LAMB3: variants seen among roughly 807,000 people sequenced by gnomAD.
LAMB3 encodes the protein laminin subunit beta 3.
In LAMB3, 104 loss-of-function variants were observed where a neutral mutation model predicts 140.3. The observed-to-expected ratio is 0.74, with a 90% confidence interval of 0.63 to 0.87. The LOEUF (loss-of-function observed/expected upper bound fraction) is 0.87. Ranked by LOEUF, LAMB3 falls within the 40% of genes least tolerant of loss-of-function variation. The pLI, the probability that LAMB3 is intolerant of heterozygous loss-of-function variation, is 0.00. For missense variants in LAMB3, 1,531 were observed against 1,575.2 expected, an observed-to-expected ratio of 0.97 and a Z score of 0.47; for synonymous variants, 592 against 602.9, an observed-to-expected ratio of 0.98 and a Z score of 0.26.
At position 209,639,917 on chromosome 1, in the gene LAMB3, C is replaced by T. The variant is rs1471565702; in HGVS notation, c.184-1269G>A. Among the ~76,000 whole-genome samples, 47 of 152,208 alleles carry T rather than the reference C, an allele frequency of 3.1e-4. 1 individual carries two copies. The highest frequency in any genetic ancestry group is 1.5e-5 in the Non-Finnish European group (1 of 68,034). ...GTACCGCTGCTTTCCTCTAAGCCTC[C>T]ACTCACCAGAACAAAGAACCGACCC... On this transcript the variant is annotated intron_variant, in intron 3 of 22. Coordinates refer to ENST00000356082, the MANE Select transcript of LAMB3 (RefSeq NM_000228.3).
rs977282977 is a variant in LAMB3 at position 209,650,015 on chromosome 1, T to C, written c.132A>G (p.Ser44=). 6.2e-7 allele frequency: 1 copy of C among 1,614,140 alleles called. No individual in the cohort carries two copies. Among genetic ancestry groups the C allele is most frequent in the Non-Finnish European group, 8.5e-7 (1 of 1,180,020 alleles). Residue 44 remains serine (S), a synonymous_variant, in exon 3 of 23, where the codon TCA becomes TCG. Coordinates refer to ENST00000356082, the MANE Select transcript of LAMB3 (RefSeq NM_000228.3). ...LVGRTRFLRA[S]STCGLTKPET... is the part of the protein sequence containing the mutation. ...CAGGCTTGGTCAGTCCACAGGTAGA[T>C]GAAGCTCGGAGAAACCGGGTCCTCC...
rs1209440727 is a variant in LAMB3, at chr1:209,616,956, C to T, written c.3229-332G>A. 5.3e-5 allele frequency among the ~76,000 whole-genome samples: 8 copies of T among 152,208 alleles called. No individual in the cohort carries two copies. The East Asian group carries it at 1.5e-3, about 29-fold the overall frequency. ...TGCCAGGATTGAAAGTGCCAATGTT[C>T]CTGGCCATAGCGGGAGCAGGTAGTG... On this transcript the variant is annotated intron_variant, in intron 21 of 22. Transcript: ENST00000356082.
At chr1:209,617,070 A>G (rs949956340) in intron 21 of LAMB3, among the ~76,000 whole-genome samples, 2 of 152,214 alleles carry the variant, frequency 1.3e-5, no homozygotes, top group African/African-American at 4.8e-5. Flanking sequence ...AGCAAAGAGC[A>G]TCTGTCCAGG....
rs199517693 is a variant in LAMB3, at chr1:209,623,710, A to G, written c.2153T>C (p.Leu718Pro). Reference sequence around the variant, plus strand: ...GGCTGACTGCTCGTAGGCTGTGCTCAGCATCCGGAAGGCTCCTGTGGCGAG... The same window carrying G: ...GGCTGACTGCTCGTAGGCTGTGCTCGGCATCCGGAAGGCTCCTGTGGCGAG... ...SADPSGAFRMLSTAYEQSAQA... is the reference protein window; with the variant it reads ...SADPSGAFRMPSTAYEQSAQA... The change falls in exon 16 of 23, where the codon CTG (leucine) becomes CCG (proline). Residue 718 changes from leucine to proline, a missense_variant. Physicochemically the swap from Leu to Pro is moderately conservative, Grantham distance 98. Transcript: ENST00000356082. The surrounding 1 kb of genome is among the most constrained non-coding windows in gnomAD (Gnocchi z 4.2). The G allele has an allele frequency of 6.2e-7, 1 of 1,614,074 alleles. No homozygotes were observed. The highest frequency in any genetic ancestry group is 2.2e-5 in the East Asian group (1 of 44,868).
At chr1:209,651,254 G>T (rs1298487021) in intron 1 of LAMB3, 2 of 449,810 alleles carry the variant, frequency 4.4e-6, no homozygotes, top group Non-Finnish European at 8.2e-6. Flanking sequence ...ATGGGAAGGA[G>T]TGTGGACCCT....
chr1:209,651,003 T>C, intron 1 of LAMB3, 22 bp from the exon 2 acceptor site: 1 of 1,519,704 alleles, frequency 6.6e-7, no homozygotes, highest in Non-Finnish European at 9.1e-7. Flanking sequence ...CAAAGCAAAC[T>C]GGGTACAACA....
rs2102405875 is a variant in LAMB3, at chr1:209,618,000, G to A, written c.2958C>T (p.Asn986=). 1 of 1,614,172 alleles carries A rather than the reference G, an allele frequency of 6.2e-7. No individual in the cohort carries two copies. Among genetic ancestry groups the A allele is most frequent in the Non-Finnish European group, 8.5e-7 (1 of 1,180,036 alleles). ...GCAGTGCCACTGTCCCCTGCCGCAG[G>A]TTCCCAACCACATCTTCCACCTGGC... ...VEGQVEDVVG[N]LRQGTVALQE... Residue 986 remains asparagine, a synonymous_variant, in exon 20 of 23, where the codon AAC becomes AAT. Transcript: ENST00000356082.
intron 13 of LAMB3, among the ~76,000 whole-genome samples, chr1:209,626,310 A>G (rs1181129446): frequency 1.3e-5 from 2 of 152,196 alleles, no homozygotes; most frequent in African/African-American, 4.8e-5. Context: ...CACTTTTTCT[A>G]GATGAGGCAA....
At position 209,622,877 on chromosome 1, in the gene LAMB3, T is replaced by C; in HGVS notation, c.2556+105A>G. The stretch of plus-strand genomic sequence containing the variant: ...GCTGTGGCACCTTAAGCAGGTCACC[T>C]AAAATCTCTGGACTTTAGTGTAAAA... On this transcript the variant is annotated intron_variant, in intron 17 of 22. Transcript: ENST00000356082. 7 of 1,443,578 alleles carry C rather than the reference T, an allele frequency of 4.8e-6. No individual in the cohort carries two copies. The South Asian group carries it at 8.0e-5, about 17-fold the overall frequency. The allele number at this position is 1,443,578 out of a possible 1,614,324, so 89.4% of individuals were successfully genotyped here.
chr1:209,623,762 G>A lies in LAMB3; in HGVS notation c.2138-37C>T, dbSNP rs935326367. 1 of 1,613,440 alleles carries A rather than the reference G, an allele frequency of 6.2e-7. No homozygotes were observed. Among genetic ancestry groups the A allele is most frequent in the Non-Finnish European group, 8.5e-7 (1 of 1,179,594 alleles). ...AGCATGAGGAATGGAGATGGAGGAG[G>A]AGCAGGAGGGAGAGGGGGTGGCATG... is the stretch of plus-strand genomic sequence containing the variant. On this transcript the variant is annotated intron_variant, in intron 15 of 22. Coordinates refer to ENST00000356082, the MANE Select transcript of LAMB3 (RefSeq NM_000228.3). This position sits in a 1 kb window ranked among gnomAD's most constrained non-coding sequence, Gnocchi z 4.2.
At chr1:209,652,082 T>C (rs1305299512) in intron 1 of LAMB3, among the ~76,000 whole-genome samples, 1 of 152,148 alleles carries the variant, frequency 6.6e-6, no homozygotes, top group African/African-American at 2.4e-5. Context: ...CACCCCTGAC[T>C]GAAAATCCCC....
rs376505059 is a variant in LAMB3, at chr1:209,627,437, G to A, written c.1431C>T (p.Gly477=). 4.3e-6 allele frequency: 7 copies of A among 1,613,966 alleles called. No individual in the cohort carries two copies. The highest frequency in any genetic ancestry group is 5.9e-6 in the Non-Finnish European group (7 of 1,180,026). ...PYHWKLASGQ[G]CEPCACDPHN... is the part of the protein sequence containing the mutation. ...GCGGGTCGCAGGCACACGGTTCACA[G>A]CCCTGGCCACTGGCCAGCTTCCAGT... The change falls in exon 12 of 23, where the codon GGC becomes GGT. Residue 477 remains glycine (G), a synonymous_variant. Coordinates refer to ENST00000356082, the MANE Select transcript of LAMB3 (RefSeq NM_000228.3).
At chr1:209,629,983 C>A in intron 9 of LAMB3, 58 bp from the exon 10 acceptor site, 1 of 1,538,122 alleles carries the variant, frequency 6.5e-7, no homozygotes, top group South Asian at 1.1e-5. Context: ...ATCTACAGAG[C>A]ATGCTCCACA....
Position 209,615,168 on chromosome 1 carries a change from T to C in LAMB3, c.*103A>G. On this transcript the variant is annotated 3_prime_UTR_variant, in exon 23 of 23. Coordinates refer to ENST00000356082, the MANE Select transcript of LAMB3 (RefSeq NM_000228.3). Reference sequence around the variant, plus strand: ...GGGTGGTCCAGGCTGTACTTTAGGCTGCATGAAAGTCTCCTGGAGATGGAA... The same window carrying C: ...GGGTGGTCCAGGCTGTACTTTAGGCCGCATGAAAGTCTCCTGGAGATGGAA... The C allele has an allele frequency of 6.7e-7, 1 of 1,484,390 alleles. No individual in the cohort carries two copies. Among genetic ancestry groups the C allele is most frequent in the Non-Finnish European group, 9.3e-7 (1 of 1,073,090 alleles). 92.0% of individuals were successfully genotyped at this position (1,484,390 alleles called of 1,614,324 possible).
At chr1:209,649,182 C>T (rs2298927) in intron 3 of LAMB3, among the ~76,000 whole-genome samples, 127,778 of 152,172 alleles carry the variant, frequency 0.84, 53,811 homozygotes, top group Middle Eastern at 0.88. Flanking sequence ...GGAAAGGGGA[C>T]AGATAACCCC....
At chr1:209,620,711 A>G (rs1409934303) in intron 18 of LAMB3, among the ~76,000 whole-genome samples, 1 of 152,258 alleles carries the variant, frequency 6.6e-6, no homozygotes, top group Non-Finnish European at 1.5e-5. Context: ...AAGAGTACTT[A>G]GTTCATGTAG....
At chr1:209,636,193 A>T (rs1010378368) in intron 5 of LAMB3, among the ~76,000 whole-genome samples, 3 of 151,470 alleles carry the variant, frequency 2.0e-5, no homozygotes, top group Non-Finnish European at 4.4e-5. Context: ...TTTTCCTGTG[A>T]GACCAGGATT....
chr1:209,641,082 C>CAA (rs61080331), intron 3 of LAMB3, among the ~76,000 whole-genome samples: 2 of 101,406 alleles, frequency 2.0e-5, no homozygotes, highest in Non-Finnish European at 4.2e-5. Context: ...GACTCTGTCT[C>CAA]AAAAAAAAAA....
intron 9 of LAMB3, 57 bp downstream of exon 9, chr1:209,630,558 A>G: frequency 6.2e-7 from 1 of 1,604,840 alleles, no homozygotes; most frequent in South Asian, 1.1e-5. Flanking sequence ...ATCAAGGCCT[A>G]GAGGGGCCAG....
Sources: gnomAD v4.1 joint callset for allele counts (sites outside exome capture counted in the v4.1 genomes callset) on GRCh38, gnomAD v4.1.1 for gene constraint, Gnocchi (gnomAD v3.1) non-coding constraint, MANE v1.5 for transcripts, NCBI Gene and HGNC (gene_info 2026-07-23, HGNC 2026-07-21) for gene names.